GBGT1: variants seen among roughly 807,000 people sequenced by gnomAD.
GBGT1 encodes globoside alpha-1,3-N-acetylgalactosaminyltransferase 1 (FORS blood group).
A neutral mutation model predicts 20.9 loss-of-function variants in GBGT1; 18 were observed. The ratio of observed to expected loss-of-function variants is 0.86; its 90% confidence interval spans 0.60 to 1.28. GBGT1 has a LOEUF of 1.28. Ranked by LOEUF, GBGT1 falls within the 50% of genes most tolerant of loss-of-function variation. The pLI is 0.00. For missense variants in GBGT1, 432 were observed against 455.7 expected, an observed-to-expected ratio of 0.95 and a Z score of 0.47; for synonymous variants, 168 against 180.8, an observed-to-expected ratio of 0.93 and a Z score of 0.57.
rs750331076 is a variant in GBGT1 at position 133,155,303 on chromosome 9, C to T, written c.234G>A (p.Gln78=). The T allele has an allele frequency of 3.1e-6, 5 of 1,613,878 alleles. No homozygotes were observed. The South Asian group carries it at 3.3e-5, about 11-fold the overall frequency. ...CCAACCAGGGTGTGAGTGTCAGCAGCTGTGTGGGCCTGGCAGCAGGGGGGC... is the reference window on the plus strand; with the variant it reads ...CCAACCAGGGTGTGAGTGTCAGCAGTTGTGTGGGCCTGGCAGCAGGGGGGC... ...QPKLLEHRPT[Q]LLTLTPWLAP... The change falls in exon 6 of 7, where the codon CAG becomes CAA. Residue 78 remains glutamine (Q), a synonymous_variant. Coordinates refer to ENST00000372040, the MANE Select transcript of GBGT1 (RefSeq NM_021996.6).
intron 3 of GBGT1, chr9:133,161,037 T>G (rs2119323635): frequency 7.7e-6 from 3 of 388,422 alleles, no homozygotes; most frequent in Non-Finnish European, 1.4e-5. Context: ...GACTCCTTAG[T>G]TGAGGAGGAC....
Position 133,162,497 on chromosome 9 carries a change from A to G in GBGT1, c.-85T>C. ...GAGGCTGTCCCCTCGCAGGGATGTCAGGCTCTGAGCCTGGTCTCTGAGGTC... is the reference window on the plus strand; with the variant it reads ...GAGGCTGTCCCCTCGCAGGGATGTCGGGCTCTGAGCCTGGTCTCTGAGGTC... On this transcript the variant is annotated 5_prime_UTR_variant, in exon 2 of 7. Transcript: ENST00000372040. The G allele has an allele frequency of 8.9e-7, 1 of 1,129,858 alleles. No individual in the cohort carries two copies. The highest frequency in any genetic ancestry group is 1.3e-6 in the Non-Finnish European group (1 of 761,792). The allele number at this position is 1,129,858 out of a possible 1,614,324, so 70.0% of individuals were successfully genotyped here. A position where few individuals can be genotyped will look rare whatever the true frequency, so the allele number is the denominator to read the frequency against.
In GBGT1 at chr9:133,155,106, C is replaced by G. The variant is rs1832829730; in HGVS notation, c.359+72G>C. 8 of 1,422,342 alleles carry G rather than the reference C, an allele frequency of 5.6e-6. No homozygotes were observed. The South Asian group carries it at 9.7e-5, about 17-fold the overall frequency. The allele number at this position is 1,422,342 out of a possible 1,614,324, so 88.1% of individuals were successfully genotyped here. ...GCAGGGTCCTGTGTGCACGTCTGGT[C>G]TGGTCTCTTCCCAACTATAAACTCC... On this transcript the variant is annotated intron_variant, in intron 6 of 6. Transcript: ENST00000372040.
At position 133,153,997 on chromosome 9, in the gene GBGT1, G is replaced by A. The variant is rs1310724162; in HGVS notation, c.624C>T (p.Asp208=). 7 of 1,613,812 alleles carry A rather than the reference G, an allele frequency of 4.3e-6. No homozygotes were observed. Among genetic ancestry groups the A allele is most frequent in the Middle Eastern group, 1.6e-4 (1 of 6,084 alleles). ...EVDYLFCLDV[D]MVFRNPWGPE... ...GGCCCCACGGGTTCCGAAACACCAT[G>A]TCCACATCAAGGCAGAAGAGGTAGT... The change falls in exon 7 of 7, where the codon GAC becomes GAT. Residue 208 remains aspartate (D), a synonymous_variant. Coordinates refer to ENST00000372040, the MANE Select transcript of GBGT1 (RefSeq NM_021996.6).
Position 133,155,167 on chromosome 9 carries a change from C to T in GBGT1, c.359+11G>A, listed in dbSNP as rs368517148. 2.5e-6 allele frequency: 4 copies of T among 1,612,866 alleles called. No homozygotes were observed. Among genetic ancestry groups the T allele is most frequent in the Non-Finnish European group, 3.4e-6 (4 of 1,178,922 alleles). On this transcript the variant is annotated intron_variant, in intron 6 of 6. Transcript: ENST00000372040. ...GGAGACCTCCCTCCCCTTCCCCAGC[C>T]CACTACTCACTTCCCCACGGCAAAC...
rs762902059 is a variant in GBGT1, at chr9:133,153,967, C to T, written c.654G>A (p.Glu218=). 1 of 1,613,592 alleles carries T rather than the reference C, an allele frequency of 6.2e-7. No homozygotes were observed. Among genetic ancestry groups the T allele is most frequent in the Non-Finnish European group, 8.5e-7 (1 of 1,179,688 alleles). The change falls in exon 7 of 7, where the codon GAG becomes GAA. Residue 218 remains glutamate, a synonymous_variant. Coordinates refer to ENST00000372040, the MANE Select transcript of GBGT1 (RefSeq NM_021996.6). ...TGGCAGCCACCAGGTCTCCCAAGGT[C>T]TCAGGGCCCCACGGGTTCCGAAACA... ...DMVFRNPWGP[E]TLGDLVAAIH... is the part of the protein sequence containing the mutation.
At chr9:133,155,505 C>T (rs1832845582) in intron 5 of GBGT1, among the ~76,000 whole-genome samples, 193 bp from the exon 6 acceptor site, 1 of 152,152 alleles carries the variant, frequency 6.6e-6, no homozygotes, top group South Asian at 2.1e-4. Flanking sequence ...AGTTAACGCA[C>T]ACCAAGGAGA....
At chr9:133,157,486 G>A (rs1215710514) in intron 3 of GBGT1, among the ~76,000 whole-genome samples, 2 of 152,230 alleles carry the variant, frequency 1.3e-5, no homozygotes, top group Non-Finnish European at 2.9e-5. Flanking sequence ...TCTGCAAAAT[G>A]GGCAAAACCA....
intron 3 of GBGT1, among the ~76,000 whole-genome samples, chr9:133,157,328 G>A (rs1832902534): frequency 6.6e-6 from 1 of 151,694 alleles, no homozygotes; most frequent in African/African-American, 2.4e-5. Context: ...TGTGGGCTGT[G>A]GTGTCTGCTC....
At chr9:133,157,323 G>A (rs111424213) in intron 3 of GBGT1, among the ~76,000 whole-genome samples, 2 of 151,786 alleles carry the variant, frequency 1.3e-5, no homozygotes, top group African/African-American at 4.8e-5. Context: ...TCACCTGTGG[G>A]CTGTGGTGTC....
chr9:133,154,891 G>T lies in GBGT1; in HGVS notation c.359+287C>A. The T allele has an allele frequency of 2.6e-6, 1 of 381,258 alleles. No individual in the cohort carries two copies. Among genetic ancestry groups the T allele is most frequent in the Non-Finnish European group, 4.7e-6 (1 of 210,928 alleles). 23.6% of individuals were successfully genotyped at this position (381,258 alleles called of 1,614,324 possible). ...ATGGGAGAGACAAGGGCAGAGGAGG[G>T]GTCTAGATGAAACAGGGAGGGGCAA... On this transcript the variant is annotated intron_variant, in intron 6 of 6. Coordinates refer to ENST00000372040, the MANE Select transcript of GBGT1 (RefSeq NM_021996.6). This position sits in a 1 kb window ranked among gnomAD's most constrained non-coding sequence, Gnocchi z 4.2.
chr9:133,163,175 C>G (rs1476699789), intron 1 of GBGT1: 3 of 152,486 alleles, frequency 2.0e-5, no homozygotes, highest in Non-Finnish European at 4.4e-5. Flanking sequence ...CGAGGCACAG[C>G]GAGGACACAT....
intron 3 of GBGT1, among the ~76,000 whole-genome samples, chr9:133,156,520 C>T (rs1199565901): frequency 6.6e-6 from 1 of 151,976 alleles, no homozygotes; most frequent in South Asian, 2.1e-4. Context: ...ATTAGCTGGG[C>T]ATGGTGGCGG....
At position 133,154,113 on chromosome 9, in the gene GBGT1, T is replaced by C; in HGVS notation, c.508A>G (p.Ile170Val). Residue 170 changes from isoleucine (I) to valine (V), a missense_variant, in exon 7 of 7, where the codon ATC (isoleucine) becomes GTC (valine). Transcript: ENST00000372040. The surrounding 1 kb of genome is among the most constrained non-coding windows in gnomAD (Gnocchi z 4.2). ...TCCTCCCAGTGGGAGTGACCCTGGA[T>C]GGGGATGGAGCTGAGAAGCCGGTGG... ...GPHRLLSSIP[I>V]QGHSHWEETS... is the part of the protein sequence containing the mutation. The C allele has an allele frequency of 6.2e-7, 1 of 1,611,658 alleles. No homozygotes were observed. The highest frequency in any genetic ancestry group is 8.5e-7 in the Non-Finnish European group (1 of 1,178,692).
Position 133,162,393 on chromosome 9 carries a change from G to T in GBGT1, c.20C>A (p.Ala7Asp), listed in dbSNP as rs1333232837. 2 of 1,609,344 alleles carry T rather than the reference G, an allele frequency of 1.2e-6. No homozygotes were observed. Among genetic ancestry groups the T allele is most frequent in the Non-Finnish European group, 1.7e-6 (2 of 1,178,870 alleles). MHRRRL[A>D]LGLGFCLLAG... ...CAACAGGCAGAACCCCAGACCCAGG[G>T]CCAGTCTCCGGCGATGCATTGCTGG... is the stretch of plus-strand genomic sequence containing the variant. The change falls in exon 2 of 7, where the codon GCC becomes GAC. Residue 7 changes from alanine to aspartate, a missense_variant. Ala to Asp is a moderately radical substitution (Grantham distance 126). Coordinates refer to ENST00000372040, the MANE Select transcript of GBGT1 (RefSeq NM_021996.6).
In GBGT1 at chr9:133,153,793, A is replaced by G. The variant is rs771543231; in HGVS notation, c.828T>C (p.Thr276=). The G allele has an allele frequency of 5.0e-6, 8 of 1,604,470 alleles. No homozygotes were observed. Among genetic ancestry groups the G allele is most frequent in the African/African-American group, 1.3e-5 (1 of 74,916 alleles). Reference sequence around the variant, plus strand: ...CCAGGATGGCCATGTGGCAGCCCCTAGTAAACTCATATACCCTGGCCACCT... The same window carrying G: ...CCAGGATGGCCATGTGGCAGCCCCTGGTAAACTCATATACCCTGGCCACCT... ...GGQVARVYEF[T]RGCHMAILAD... Residue 276 remains threonine (T), a synonymous_variant, in exon 7 of 7, where the codon ACT becomes ACC. Coordinates refer to ENST00000372040, the MANE Select transcript of GBGT1 (RefSeq NM_021996.6).
chr9:133,156,389 C>T (rs996794353), intron 3 of GBGT1, among the ~76,000 whole-genome samples: 4 of 152,288 alleles, frequency 2.6e-5, no homozygotes, highest in Admixed American at 6.5e-5. Flanking sequence ...GGGCCAGGCG[C>T]GGTGGCTCAC....
At position 133,162,032 on chromosome 9, in the gene GBGT1, G is replaced by T. The variant is rs372739097; in HGVS notation, c.71+310C>A. Among the ~76,000 whole-genome samples, 11 of 152,180 alleles carry T rather than the reference G, an allele frequency of 7.2e-5. No individual in the cohort carries two copies. The East Asian group carries it at 2.1e-3, about 29-fold the overall frequency. On this transcript the variant is annotated intron_variant, in intron 2 of 6. Transcript: ENST00000372040. ...TTGGAGAACAGGTGAGTCAGGAGGGGTTGGTGGGATCTGGAATCCTATGAG... is the reference window on the plus strand; with the variant it reads ...TTGGAGAACAGGTGAGTCAGGAGGGTTTGGTGGGATCTGGAATCCTATGAG...
intron 3 of GBGT1, among the ~76,000 whole-genome samples, chr9:133,157,934 C>T (rs1208305675): frequency 3.9e-5 from 6 of 152,132 alleles, no homozygotes; most frequent in South Asian, 2.1e-4. Context: ...ATCACAAGGT[C>T]GAGAGATCGA....
Sources: allele counts gnomAD v4.1 joint callset (sites outside exome capture counted in the v4.1 genomes callset), GRCh38; gene constraint gnomAD v4.1.1; non-coding constraint Gnocchi (gnomAD v3.1); transcripts MANE v1.5; gene names NCBI Gene and HGNC (gene_info 2026-07-23, HGNC 2026-07-21).